NFIC: variants seen among roughly 807,000 people sequenced by gnomAD.
The protein encoded by NFIC is nuclear factor I C, also known as nuclear factor 1 C-type.
Under a neutral mutation model 54.4 loss-of-function variants are expected in NFIC, and 12 were observed. That is an observed-to-expected ratio of 0.22 (90% CI 0.14 to 0.36). NFIC has a LOEUF of 0.36. NFIC is among the 10% of genes least tolerant of loss of function. NFIC has a pLI of 1.00. For synonymous variants in NFIC, 322 were observed against 319.2 expected (o/e 1.01, Z -0.09); for missense variants, 575 against 718.2 (o/e 0.80, Z 2.28).
intron 3 of NFIC, among the ~76,000 whole-genome samples, chr19:3,429,030 A>G (rs761170168): frequency 4.0e-5 from 6 of 151,714 alleles, no homozygotes; most frequent in South Asian, 2.1e-4. Flanking sequence ...CACGCCTGCA[A>G]TCCCAGCACT....
intron 3 of NFIC, among the ~76,000 whole-genome samples, chr19:3,428,329 A>T (rs979989230): frequency 1.3e-5 from 2 of 151,546 alleles, no homozygotes; most frequent in Non-Finnish European, 2.9e-5. Context: ...CCCCATCTGT[A>T]CTAGGAGGAC....
At chr19:3,409,027 C>T (rs1042581536) in intron 2 of NFIC, among the ~76,000 whole-genome samples, 3 of 152,068 alleles carry the variant, frequency 2.0e-5, no homozygotes, top group African/African-American at 4.8e-5. Context: ...CCACTGTGCC[C>T]GGCCCAGAGA....
intron 10 of NFIC, among the ~76,000 whole-genome samples, chr19:3,460,506 TTTTTTTTGG>T (rs112863770): frequency 4.6e-5 from 7 of 152,092 alleles, no homozygotes; most frequent in South Asian, 2.1e-4. Context: ...TTTTTTTTGT[TTTTTTTTGG>T]TTTTTTTGGT....
chr19:3,405,435 G>A (rs2081632949), intron 2 of NFIC, among the ~76,000 whole-genome samples: 2 of 152,200 alleles, frequency 1.3e-5, no homozygotes, highest in African/African-American at 4.8e-5. Context: ...CTGTCAGGAT[G>A]TGGAGGCTCA....
upstream of NFIC, among the ~76,000 whole-genome samples, chr19:3,366,030 A>T (rs1199301716): frequency 7.2e-6 from 1 of 138,946 alleles, no homozygotes; most frequent in Admixed American, 7.2e-5. Context: ...TCACTTCTTC[A>T]TTCCTTCCCT....
chr19:3,462,139 T>C (rs2082650117), intron 10 of NFIC, among the ~76,000 whole-genome samples: 1 of 152,026 alleles, frequency 6.6e-6, no homozygotes, highest in Non-Finnish European at 1.5e-5. Context: ...TCCAGCACTT[T>C]GGGAGGCCGA....
chr19:3,454,727 C>G (rs1404456262), intron 9 of NFIC, among the ~76,000 whole-genome samples: 1 of 151,730 alleles, frequency 6.6e-6, no homozygotes, highest in Non-Finnish European at 1.5e-5. Flanking sequence ...CCTCACCCCC[C>G]TTTTTGAGCA....
chr19:3,389,949 G>A (rs1385201528), intron 2 of NFIC, among the ~76,000 whole-genome samples: 2 of 152,162 alleles, frequency 1.3e-5, no homozygotes, highest in African/African-American at 2.4e-5. Context: ...GCGCCATTGC[G>A]CTCCAGCCTG....
rs1033333581 is a variant in NFIC at position 3,458,206 on chromosome 19, T to C, written c.1509+1571T>C. ...GTCAGGGTCCCCCAGCGAGCAGACG[T>C]CCAGGACTCCTCGCTTTGGGATTTG... On this transcript the variant is annotated intron_variant, in intron 10 of 10. Transcript: ENST00000443272. The surrounding 1 kb of genome is among the most constrained non-coding windows in gnomAD (Gnocchi z 4.1). Among the ~76,000 whole-genome samples, 8 of 152,162 alleles carry C rather than the reference T, an allele frequency of 5.3e-5. No homozygotes were observed. The highest frequency in any genetic ancestry group is 1.9e-4 in the African/African-American group (8 of 41,430).
intron 2 of NFIC, among the ~76,000 whole-genome samples, chr19:3,385,567 G>GCTGT (rs1599588057): frequency 7.6e-6 from 1 of 132,264 alleles, no homozygotes; most frequent in East Asian, 2.2e-4. Context: ...TTTTTTGGTT[G>GCTGT]TTGTTGTTTT....
intron 2 of NFIC, among the ~76,000 whole-genome samples, chr19:3,389,327 C>T (rs937051528): frequency 2.0e-5 from 3 of 152,146 alleles, no homozygotes; most frequent in African/African-American, 7.2e-5. Context: ...GAGAAAAGTC[C>T]TGCCCTCTCT....
chr19:3,361,944 G>C (rs538609234), upstream of NFIC, among the ~76,000 whole-genome samples: 84 of 152,172 alleles, frequency 5.5e-4, no homozygotes, highest in Non-Finnish European at 1.1e-3. Flanking sequence ...ACACAGGCCT[G>C]TCTAGAGACA....
intron 6 of NFIC, among the ~76,000 whole-genome samples, chr19:3,442,681 C>T (rs1278019427): frequency 6.6e-6 from 1 of 152,092 alleles, no homozygotes; most frequent in East Asian, 1.9e-4. Context: ...GCCACCGAGC[C>T]CAGCCCGCCC....
intron 2 of NFIC, among the ~76,000 whole-genome samples, chr19:3,382,893 AG>A (rs531207794): frequency 6.7e-4 from 102 of 152,044 alleles, no homozygotes; most frequent in African/African-American, 2.4e-3. Flanking sequence ...CAGATGGAGG[AG>A]GCAGGCCTAG....
rs2082716236 is a variant in NFIC at position 3,466,310 on chromosome 19, G to C, written c.*3541G>C. ...AGCTAAGACAATAGCCAGATGGTTA[G>C]TGGGGCAGCCAGGCAGGGAGGACCC... On this transcript the variant is annotated 3_prime_UTR_variant, in exon 11 of 11. Transcript: ENST00000443272. This position sits in a 1 kb window ranked among gnomAD's most constrained non-coding sequence, Gnocchi z 4.8. 1 of 151,816 alleles carries C rather than the reference G, an allele frequency of 6.6e-6. No individual in the cohort carries two copies. The highest frequency in any genetic ancestry group is 6.6e-5 in the Admixed American group (1 of 15,234). 9.4% of individuals were successfully genotyped at this position (151,816 alleles called of 1,614,324 possible).
chr19:3,445,179 GCA>G (rs538462134), intron 6 of NFIC, among the ~76,000 whole-genome samples: 11 of 151,846 alleles, frequency 7.2e-5, no homozygotes, highest in East Asian at 1.9e-4. Flanking sequence ...ATACATGCAC[GCA>G]CACACATGCA....
chr19:3,422,372 G>A (rs989892663), intron 2 of NFIC, among the ~76,000 whole-genome samples: 1 of 151,464 alleles, frequency 6.6e-6, no homozygotes, highest in South Asian at 2.1e-4. Flanking sequence ...CTGTGCCACT[G>A]CCCCTGGCTT....
chr19:3,425,007 T>C, intron 2 of NFIC, 99 bp from the exon 3 acceptor site: 1 of 1,291,656 alleles, frequency 7.7e-7, no homozygotes, highest in Non-Finnish European at 1.1e-6. Context: ...TCCATAGCAC[T>C]GGCCCAGCCC....
At chr19:3,368,939 GTGTGTGTGTC>G (rs1463310360) in intron 1 of NFIC, among the ~76,000 whole-genome samples, 1 of 151,408 alleles carries the variant, frequency 6.6e-6, no homozygotes, top group African/African-American at 2.4e-5. Flanking sequence ...GTGTGTGTGT[GTGTGTGTGTC>G]TGTTTCTCCC....
Sources: allele counts gnomAD v4.1 joint callset (sites outside exome capture counted in the v4.1 genomes callset), GRCh38; gene constraint gnomAD v4.1.1; non-coding constraint Gnocchi (gnomAD v3.1); transcripts MANE v1.5; gene names NCBI Gene and HGNC (gene_info 2026-07-23, HGNC 2026-07-21).